Variants in VPS35L observed in about 807,000 individuals in gnomAD.
The protein encoded by VPS35L is VPS35 endosomal protein-sorting factor-like.
A neutral mutation model predicts 133.0 loss-of-function variants in VPS35L; 83 were observed. The ratio of observed to expected loss-of-function variants is 0.62; its 90% CI spans 0.52 to 0.75. VPS35L has a LOEUF of 0.75. Ranked by LOEUF, VPS35L falls within the 30% of genes least tolerant of loss-of-function variation. The pLI is 0.00. For missense variants in VPS35L, 1,083 were observed against 1,206.8 expected, an observed-to-expected ratio of 0.90 and a Z score of 1.52; for synonymous variants, 423 against 449.9, an observed-to-expected ratio of 0.94 and a Z score of 0.76.
chr16:19,661,223 C>CT (rs993307157), intron 26 of VPS35L, among the ~76,000 whole-genome samples: 23 of 150,838 alleles, frequency 1.5e-4, no homozygotes, highest in African/African-American at 4.9e-4. Flanking sequence ...TCTGTTTCTT[C>CT]TTTTTTTTTG....
At chr16:19,603,010 C>T (rs1198730269) in intron 9 of VPS35L, among the ~76,000 whole-genome samples, 1 of 152,132 alleles carries the variant, frequency 6.6e-6, no homozygotes, top group East Asian at 1.9e-4. Context: ...AGCAGTCCTC[C>T]CACCTCAGCC....
intron 27 of VPS35L, among the ~76,000 whole-genome samples, chr16:19,678,973 G>A (rs1975160955): frequency 6.6e-6 from 1 of 152,100 alleles, no homozygotes; most frequent in South Asian, 2.1e-4. Context: ...TGTGTTGCAT[G>A]GTCTGTCACA....
rs1428700804 is a variant in VPS35L, at chr16:19,701,155, TCTGA to T, written c.*683_*686del. 13 of 152,322 alleles carry T rather than the reference TCTGA, an allele frequency of 8.5e-5. No individual in the cohort carries two copies. The East Asian group carries it at 1.9e-3, about 23-fold the overall frequency. The allele number at this position is 152,322 out of a possible 1,614,324, so 9.4% of individuals were successfully genotyped here. A position where few individuals can be genotyped will look rare whatever the true frequency, so the allele number is the denominator to read the frequency against. On this transcript the variant is annotated 3_prime_UTR_variant, in exon 31 of 31. Transcript: ENST00000417362. ...GTTCATGACTGTTCATTTAATTACT[TCTGA>T]CTGTCTTCCTCCAGAAGAGAAAGAC...
intron 5 of VPS35L, among the ~76,000 whole-genome samples, chr16:19,577,710 T>C (rs1427218961): frequency 1.3e-5 from 2 of 151,826 alleles, no homozygotes; most frequent in Admixed American, 1.3e-4. Context: ...TTTTCAGAGG[T>C]GATTAGGTCA....
chr16:19,569,852 A>G (rs1971307369), intron 3 of VPS35L, among the ~76,000 whole-genome samples: 1 of 151,550 alleles, frequency 6.6e-6, no homozygotes, highest in Admixed American at 6.6e-5. Flanking sequence ...ATTTTGTTGT[A>G]GAGGTGGGGT....
In VPS35L at chr16:19,564,840, C is replaced by T. The variant is rs1455855334; in HGVS notation, c.18-11C>T. Reference sequence around the variant, plus strand: ...CCATCCACTAATTGGCTGTGTTTCGCTGTTTACCAGGCACTCCAGGAATAG... The same window carrying T: ...CCATCCACTAATTGGCTGTGTTTCGTTGTTTACCAGGCACTCCAGGAATAG... On this transcript the variant is annotated splice_polypyrimidine_tract_variant and intron_variant, in intron 1 of 30. Coordinates refer to ENST00000417362, the MANE Select transcript of VPS35L (RefSeq NM_020314.7). The T allele has an allele frequency of 6.2e-7, 1 of 1,605,780 alleles. No homozygotes were observed. The highest frequency in any genetic ancestry group is 8.5e-7 in the Non-Finnish European group (1 of 1,173,238).
At chr16:19,663,697 T>A (rs1481110490) in intron 26 of VPS35L, among the ~76,000 whole-genome samples, 2 of 112,136 alleles carry the variant, frequency 1.8e-5, no homozygotes, top group East Asian at 2.6e-4. Flanking sequence ...TTTTTTTTTT[T>A]ACATTTTGGA....
chr16:19,576,456 C>T (rs901951518), intron 5 of VPS35L, among the ~76,000 whole-genome samples: 3 of 152,130 alleles, frequency 2.0e-5, no homozygotes, highest in East Asian at 1.9e-4. Context: ...CTCAAACTGC[C>T]GTGTAGCAGG....
At chr16:19,599,832 G>T (rs755205472) in intron 8 of VPS35L, among the ~76,000 whole-genome samples, 31 of 152,234 alleles carry the variant, frequency 2.0e-4, no homozygotes, top group Non-Finnish European at 4.3e-4. Flanking sequence ...CTTGAGCCCA[G>T]GAGTTCAAGA....
At chr16:19,696,437 C>T (rs1314157910) in intron 29 of VPS35L, among the ~76,000 whole-genome samples, 4 of 152,180 alleles carry the variant, frequency 2.6e-5, no homozygotes, top group African/African-American at 4.8e-5. Context: ...TCTAAGGCCA[C>T]GTGAAGGTGC....
chr16:19,640,511 A>C (rs1973754774), intron 21 of VPS35L, among the ~76,000 whole-genome samples: 2 of 152,250 alleles, frequency 1.3e-5, no homozygotes, highest in African/African-American at 4.8e-5. Flanking sequence ...TAAGGATACA[A>C]ATCAGGACAT....
At chr16:19,573,546 C>T (rs552642501) in intron 4 of VPS35L, among the ~76,000 whole-genome samples, 12 of 152,118 alleles carry the variant, frequency 7.9e-5, no homozygotes, top group Admixed American at 2.6e-4. Flanking sequence ...AGGTCGGGCA[C>T]GGTGGCTCAC....
In VPS35L at chr16:19,564,821, A is replaced by G. The variant is rs763300364; in HGVS notation, c.18-30A>G. The G allele has an allele frequency of 2.0e-6, 3 of 1,518,876 alleles. No homozygotes were observed. The South Asian group carries it at 3.4e-5, about 17-fold the overall frequency. 94.1% of individuals were successfully genotyped at this position (1,518,876 alleles called of 1,614,324 possible). A position where few individuals can be genotyped will look rare whatever the true frequency, so the allele number is the denominator to read the frequency against. On this transcript the variant is annotated intron_variant, in intron 1 of 30. Transcript: ENST00000417362. Reference sequence around the variant, plus strand: ...TTTAGTGTTTTAAGTACCCCCATCCACTAATTGGCTGTGTTTCGCTGTTTA... The same window carrying G: ...TTTAGTGTTTTAAGTACCCCCATCCGCTAATTGGCTGTGTTTCGCTGTTTA...
chr16:19,624,352 G>T (rs1036827009), intron 14 of VPS35L, among the ~76,000 whole-genome samples: 11 of 152,030 alleles, frequency 7.2e-5, no homozygotes, highest in Middle Eastern at 3.4e-3. Flanking sequence ...CAGGGCTGAG[G>T]CGGGCAGATT....
chr16:19,558,247 A>G (rs891750000), intron 1 of VPS35L, among the ~76,000 whole-genome samples: 8 of 152,270 alleles, frequency 5.3e-5, no homozygotes, highest in Non-Finnish European at 1.2e-4. Context: ...TCTGTCAGAC[A>G]TCACTCGTAA....
At position 19,581,513 on chromosome 16, in the gene VPS35L, T is replaced by G; in HGVS notation, c.511-12T>G. On this transcript the variant is annotated splice_polypyrimidine_tract_variant and intron_variant, in intron 6 of 30. Transcript: ENST00000417362. ...TCCTGCTATGCCTTCACCTTCTGCCTTCTCCCCACAGGGTTCCCAAAAGGA... is the reference window on the plus strand; with the variant it reads ...TCCTGCTATGCCTTCACCTTCTGCCGTCTCCCCACAGGGTTCCCAAAAGGA... 1.9e-6 allele frequency: 3 copies of G among 1,573,834 alleles called. No homozygotes were observed. Among genetic ancestry groups the G allele is most frequent in the Non-Finnish European group, 2.6e-6 (3 of 1,157,550 alleles).
chr16:19,592,479 C>A (rs1972075451), intron 8 of VPS35L, among the ~76,000 whole-genome samples: 1 of 152,068 alleles, frequency 6.6e-6, no homozygotes, highest in Non-Finnish European at 1.5e-5. Flanking sequence ...CTCACAGGCA[C>A]CTGAAACTGA....
At chr16:19,617,004 CTG>C (rs1972917898) in intron 14 of VPS35L, 196 bp downstream of exon 14, 2 of 797,542 alleles carry the variant, frequency 2.5e-6, no homozygotes, top group Non-Finnish European at 4.1e-6. Context: ...ATTTTGACAG[CTG>C]TGGAAGGGGA....
chr16:19,682,108 G>A lies in VPS35L; in HGVS notation c.2362-117G>A, dbSNP rs1975300662. 1.0e-5 allele frequency: 12 copies of A among 1,182,882 alleles called. No homozygotes were observed. In the South Asian group the frequency reaches 1.6e-4, roughly 16 times the overall value. 73.3% of individuals were successfully genotyped at this position (1,182,882 alleles called of 1,614,324 possible). ...TGGGTCTTGCCTTTGTTCAGTAACT[G>A]ACAACGTTAATTTCTCTACAGCTGC... On this transcript the variant is annotated intron_variant, in intron 27 of 30. Coordinates refer to ENST00000417362, the MANE Select transcript of VPS35L (RefSeq NM_020314.7).
Sources: gnomAD v4.1 joint callset for allele counts (sites outside exome capture counted in the v4.1 genomes callset) on GRCh38, gnomAD v4.1.1 for gene constraint, MANE v1.5 for transcripts, NCBI Gene and HGNC (gene_info 2026-07-23, HGNC 2026-07-21) for gene names.